Variants in PRR11 observed in about 807,000 individuals in gnomAD.
PRR11 encodes the protein proline rich 11.
PRR11 carries 30 observed loss-of-function variants against 45.6 expected under a neutral mutation model. That is an observed-to-expected ratio of 0.66 (90% CI 0.49 to 0.89). The LOEUF is 0.89. Ranked by LOEUF, PRR11 falls within the 40% of genes least tolerant of loss-of-function variation. The pLI is 0.00. For synonymous variants in PRR11, 128 were observed against 153.5 expected, an observed-to-expected ratio of 0.83 and a Z score of 1.23; for missense variants, 373 against 424.8, an observed-to-expected ratio of 0.88 and a Z score of 1.07.
intron 6 of PRR11, 81 bp downstream of exon 6, chr17:59,194,936 G>C: frequency 8.8e-7 from 1 of 1,141,496 alleles, no homozygotes; most frequent in South Asian, 1.4e-5. Context: ...CACTTTGGGA[G>C]ACCAAGGTGG....
chr17:59,174,073 G>A (rs935531527), intron 2 of PRR11, among the ~76,000 whole-genome samples: 9 of 152,080 alleles, frequency 5.9e-5, no homozygotes, highest in Non-Finnish European at 8.8e-5. Context: ...CTGAACCATC[G>A]TGTTCAGCTG....
chr17:59,185,881 T>C (rs566503553), intron 4 of PRR11, among the ~76,000 whole-genome samples: 3 of 152,232 alleles, frequency 2.0e-5, no homozygotes, highest in African/African-American at 7.2e-5. Flanking sequence ...GAGGGCTAAA[T>C]CCTGACTAAA....
At chr17:59,165,018 TTTTTG>T (rs200959308) in intron 1 of PRR11, among the ~76,000 whole-genome samples, 1 of 152,096 alleles carries the variant, frequency 6.6e-6, no homozygotes, top group African/African-American at 2.4e-5. Flanking sequence ...TTGTTTTGTT[TTTTTG>T]TTTTGTTTTG....
Position 59,185,433 on chromosome 17 carries a change from A to C in PRR11, c.280-7A>C. 1 of 1,591,226 alleles carries C rather than the reference A, an allele frequency of 6.3e-7. No homozygotes were observed. The highest frequency in any genetic ancestry group is 8.6e-7 in the Non-Finnish European group (1 of 1,168,362). ...TAGGACTCAGAATTGTTTATTATTA[A>C]TTTCAGAGTTTAGAAGTATTGAAAG... On this transcript the variant is annotated splice_polypyrimidine_tract_variant and splice_region_variant and intron_variant, in intron 3 of 9. Transcript: ENST00000262293.
rs1009427708 is a variant in PRR11 at position 59,194,234 on chromosome 17, G to A, written c.645+500G>A. Among the ~76,000 whole-genome samples, 6 of 148,942 alleles carry A rather than the reference G, an allele frequency of 4.0e-5. No homozygotes were observed. In the Admixed American group the frequency reaches 4.1e-4, roughly 10 times the overall value. On this transcript the variant is annotated intron_variant, in intron 5 of 9. Coordinates refer to ENST00000262293, the MANE Select transcript of PRR11 (RefSeq NM_018304.4). ...TTCACTATGGATAATTTGGTTTAAT[G>A]TAGCTGAATTAAATCCAGAGTCTTC...
intron 9 of PRR11, among the ~76,000 whole-genome samples, chr17:59,199,166 A>G (rs994029182): frequency 6.6e-6 from 1 of 152,200 alleles, no homozygotes; most frequent in African/African-American, 2.4e-5. Flanking sequence ...ATGATCTAGG[A>G]GGGACTCCCT....
intron 1 of PRR11, chr17:59,163,587 G>A (rs906743827): frequency 1.1e-4 from 17 of 152,174 alleles, no homozygotes; most frequent in South Asian, 8.3e-4. Flanking sequence ...ATCTATTTCC[G>A]TTTTTCCTTA....
chr17:59,161,485 C>G (rs921409071), intron 1 of PRR11, among the ~76,000 whole-genome samples: 3 of 151,086 alleles, frequency 2.0e-5, no homozygotes, highest in Non-Finnish European at 4.4e-5. Context: ...TACAGTGGCT[C>G]ACACCTGTAA....
At chr17:59,192,598 G>T (rs1453699595) in intron 4 of PRR11, among the ~76,000 whole-genome samples, 4 of 152,138 alleles carry the variant, frequency 2.6e-5, no homozygotes, top group Admixed American at 1.3e-4. Context: ...GTAGATGGCT[G>T]TCTTCGCTCT....
At chr17:59,201,485 G>C in intron 9 of PRR11, 78 bp from the exon 10 acceptor site, 1 of 1,457,062 alleles carries the variant, frequency 6.9e-7, no homozygotes, top group Non-Finnish European at 9.5e-7. Context: ...AAAAATTCTG[G>C]GTTCTGTTGA....
intron 3 of PRR11, 107 bp from the exon 4 acceptor site, chr17:59,185,333 C>T: frequency 6.6e-7 from 1 of 1,515,172 alleles, no homozygotes; most frequent in Non-Finnish European, 8.9e-7. Context: ...TGAGTCAAGT[C>T]TGCCTTTGCT....
intron 4 of PRR11, among the ~76,000 whole-genome samples, chr17:59,188,394 T>C (rs534386662): frequency 1.1e-4 from 16 of 152,320 alleles, no homozygotes; most frequent in Non-Finnish European, 2.2e-4. Context: ...TTTTAAAATA[T>C]ATATCTTTTG....
chr17:59,197,463 G>A (rs2046872024), intron 7 of PRR11, 81 bp from the exon 8 acceptor site: 1 of 1,279,306 alleles, frequency 7.8e-7, no homozygotes, highest in African/African-American at 1.5e-5. Context: ...GTGTTAGCAA[G>A]GATGGTCTTG....
At chr17:59,199,915 A>C (rs2046884392) in intron 9 of PRR11, among the ~76,000 whole-genome samples, 1 of 152,098 alleles carries the variant, frequency 6.6e-6, no homozygotes, top group Non-Finnish European at 1.5e-5. Flanking sequence ...CCTTGGTGAT[A>C]CCCAAAATTG....
intron 3 of PRR11, 110 bp downstream of exon 3, chr17:59,185,314 T>C (rs531199511): frequency 6.6e-7 from 1 of 1,515,306 alleles, no homozygotes; most frequent in African/African-American, 1.4e-5. Flanking sequence ...TTAGATAAGA[T>C]GAAATTATTG....
At chr17:59,199,467 T>C (rs1302244225) in intron 9 of PRR11, among the ~76,000 whole-genome samples, 1 of 152,136 alleles carries the variant, frequency 6.6e-6, no homozygotes, top group Non-Finnish European at 1.5e-5. Flanking sequence ...TCTTGAGAGC[T>C]TTCTTTGTCA....
chr17:59,193,427 G>A, intron 4 of PRR11, 65 bp from the exon 5 acceptor site: 1 of 1,584,836 alleles, frequency 6.3e-7, no homozygotes, highest in Non-Finnish European at 8.6e-7. Flanking sequence ...TTATTTTGAT[G>A]ACTCTCACCC....
intron 4 of PRR11, among the ~76,000 whole-genome samples, chr17:59,185,832 T>C (rs1202645701): frequency 6.6e-6 from 1 of 152,198 alleles, no homozygotes; most frequent in African/African-American, 2.4e-5. Flanking sequence ...CAATGCTTGC[T>C]TAAGCCCAAG....
At chr17:59,169,974 C>G (rs560146815) in intron 2 of PRR11, 94 bp downstream of exon 2, 15 of 1,421,982 alleles carry the variant, frequency 1.1e-5, no homozygotes, top group Non-Finnish European at 1.3e-5. Flanking sequence ...GAAGGCAGGC[C>G]GGGTGCAGTC....
Sources: gnomAD v4.1 joint callset for allele counts (sites outside exome capture counted in the v4.1 genomes callset) on GRCh38, gnomAD v4.1.1 for gene constraint, MANE v1.5 for transcripts, NCBI Gene and HGNC (gene_info 2026-07-23, HGNC 2026-07-21) for gene names.